The following POPDC1 variants were observed in gnomAD, a reference collection of about 807,000 sequenced individuals.
POPDC1 encodes popeye domain-containing protein 1.
the POPDC1 span, among the ~76,000 whole-genome samples, chr6:105,121,306 C>T: frequency 6.6e-6 from 1 of 150,552 alleles, no homozygotes; most frequent in Non-Finnish European, 1.5e-5. Context: ...CATTCTGTTG[C>T]CCAGGCTGGA....
the POPDC1 span, among the ~76,000 whole-genome samples, chr6:105,134,741 A>G: frequency 1.3e-5 from 2 of 152,234 alleles, no homozygotes; most frequent in South Asian, 4.1e-4. Context: ...ACACCAATTT[A>G]CAAATTGTGA....
At chr6:105,124,238 C>CG in the POPDC1 span, among the ~76,000 whole-genome samples, 2 of 151,770 alleles carry the variant, frequency 1.3e-5, no homozygotes, top group Non-Finnish European at 2.9e-5. Flanking sequence ...AAAAATTAGC[C>CG]GGGGGTGGTG....
the POPDC1 span, chr6:105,125,402 G>A: frequency 6.2e-7 from 1 of 1,614,136 alleles, no homozygotes; most frequent in East Asian, 2.2e-5. Flanking sequence ...TTCCCTTCAA[G>A]AGAATACTCA....
At chr6:105,127,846 C>T in the POPDC1 span, among the ~76,000 whole-genome samples, 1 of 152,028 alleles carries the variant, frequency 6.6e-6, no homozygotes, top group Non-Finnish European at 1.5e-5. Context: ...CTGCAACCTC[C>T]GCCTCCTGGG....
chr6:105,130,620 G>A, the POPDC1 span, among the ~76,000 whole-genome samples: 1 of 152,144 alleles, frequency 6.6e-6, no homozygotes, highest in Non-Finnish European at 1.5e-5. Context: ...TTTTGTTGCT[G>A]TGTGAACATC....
chr6:105,111,101 GA>G, the POPDC1 span, among the ~76,000 whole-genome samples: 2 of 152,060 alleles, frequency 1.3e-5, no homozygotes, highest in Non-Finnish European at 2.9e-5. Context: ...ATTATTTCAT[GA>G]AAAAAGACAC....
the POPDC1 span, chr6:105,098,047 A>T: frequency 2.0e-5 from 3 of 152,230 alleles, no homozygotes; most frequent in Non-Finnish European, 4.4e-5. Flanking sequence ...GTTACATTTA[A>T]AGTAGTAGAT....
At chr6:105,110,299 C>T in the POPDC1 span, among the ~76,000 whole-genome samples, 2 of 152,214 alleles carry the variant, frequency 1.3e-5, no homozygotes, top group African/African-American at 4.8e-5. Context: ...CTACACTTTA[C>T]TCATCTATAA....
chr6:105,101,170 C>T, the POPDC1 span: 92 of 1,613,384 alleles, frequency 5.7e-5, 2 homozygotes, highest in Admixed American at 1.4e-3. Flanking sequence ...CTTCTTCTAT[C>T]GGTTTCATCT....
At chr6:105,101,589 T>C in the POPDC1 span, among the ~76,000 whole-genome samples, 1 of 152,352 alleles carries the variant, frequency 6.6e-6, no homozygotes, top group Non-Finnish European at 1.5e-5. Flanking sequence ...TGAAAGTTGA[T>C]TTAACTCCTA....
the POPDC1 span, among the ~76,000 whole-genome samples, chr6:105,111,907 A>G: frequency 4.4e-3 from 670 of 152,302 alleles, 2 homozygotes; most frequent in Non-Finnish European, 7.6e-3. Context: ...TGAGATCTTT[A>G]AAGTAGTGCC....
At chr6:105,116,134 A>G in the POPDC1 span, among the ~76,000 whole-genome samples, 53 of 152,342 alleles carry the variant, frequency 3.5e-4, no homozygotes, top group African/African-American at 1.2e-3. Context: ...CATATACTCA[A>G]TTGTCACTGG....
At chr6:105,116,972 G>A in the POPDC1 span, 2 of 1,034,130 alleles carry the variant, frequency 1.9e-6, no homozygotes, top group Admixed American at 3.0e-5. Context: ...CATTATCATA[G>A]CAATGATTTG....
At chr6:105,134,817 G>A in the POPDC1 span, among the ~76,000 whole-genome samples, 1 of 152,108 alleles carries the variant, frequency 6.6e-6, no homozygotes, top group Non-Finnish European at 1.5e-5. Flanking sequence ...AATATTAATA[G>A]TAATAGTTGA....
chr6:105,129,270 A>T, the POPDC1 span: 1 of 995,102 alleles, frequency 1.0e-6, no homozygotes, highest in Non-Finnish European at 1.4e-6. Context: ...CAGAGAAATT[A>T]TATTAAAGTG....
chr6:105,129,303 T>G, the POPDC1 span: 1 of 1,322,268 alleles, frequency 7.6e-7, no homozygotes, highest in Non-Finnish European at 1.0e-6. Context: ...AGATACTTAC[T>G]CTTAACTCTG....
At chr6:105,117,569 T>C in the POPDC1 span, among the ~76,000 whole-genome samples, 1 of 152,176 alleles carries the variant, frequency 6.6e-6, no homozygotes, top group Non-Finnish European at 1.5e-5. Flanking sequence ...AGCTCAAGTA[T>C]CCCTCAAATA....
At chr6:105,123,861 G>A in the POPDC1 span, among the ~76,000 whole-genome samples, 1 of 152,132 alleles carries the variant, frequency 6.6e-6, no homozygotes, top group African/African-American at 2.4e-5. Context: ...CTAAGGCAAA[G>A]CCAGTTTTCT....
chr6:105,119,296 C>T, the POPDC1 span, among the ~76,000 whole-genome samples: 2 of 151,994 alleles, frequency 1.3e-5, no homozygotes, highest in African/African-American at 4.8e-5. Context: ...CTCATCAATA[C>T]CATTTCATAG....
Sources: allele counts gnomAD v4.1 joint callset (sites outside exome capture counted in the v4.1 genomes callset), GRCh38; gene constraint gnomAD v4.1.1; transcripts MANE v1.5; gene names NCBI Gene and HGNC (gene_info 2026-07-23, HGNC 2026-07-21).